The following MAFF variants were observed in gnomAD, a reference collection of about 807,000 sequenced individuals.
MAFF encodes the protein MAF bZIP transcription factor F, also known as transcription factor MafF.
Under a neutral mutation model 2.7 loss-of-function variants are expected in MAFF, and 4 were observed. That is an observed-to-expected ratio of 1.48 (90% CI 0.73 to 3.39). The LOEUF (loss-of-function observed/expected upper bound fraction) is 3.39. Among genes scored for constraint, MAFF ranks in the 30% most tolerant of loss-of-function variants. MAFF has a pLI of 0.01. For synonymous variants in MAFF, 113 were observed against 119.4 expected (o/e 0.95, Z 0.35); for missense variants, 190 against 246.6 (o/e 0.77, Z 1.54).
At chr22:38,207,890 A>AC (rs1291572395) in intron 1 of MAFF, among the ~76,000 whole-genome samples, 5 of 152,102 alleles carry the variant, frequency 3.3e-5, no homozygotes, top group African/African-American at 1.2e-4. Flanking sequence ...TCTGGGCATT[A>AC]CCTCAGGGTT....
chr22:38,213,216 GAGAA>G (rs2091115809), intron 1 of MAFF, among the ~76,000 whole-genome samples: 1 of 142,950 alleles, frequency 7.0e-6, no homozygotes, highest in Admixed American at 7.0e-5. Context: ...GAAAGAAAAA[GAGAA>G]AGAAAAGTTC....
At chr22:38,205,101 C>T (rs1012891841) in intron 1 of MAFF, among the ~76,000 whole-genome samples, 8 of 152,106 alleles carry the variant, frequency 5.3e-5, no homozygotes, top group African/African-American at 7.2e-5. Context: ...AAGCCTTCAC[C>T]GCTTTCCTTT....
In MAFF at chr22:38,214,698, C is replaced by T. The variant is rs746668329; in HGVS notation, c.315C>T (p.Asp105=). The T allele has an allele frequency of 2.6e-6, 4 of 1,541,272 alleles. No individual in the cohort carries two copies. The highest frequency in any genetic ancestry group is 2.4e-5 in the South Asian group (2 of 83,842). ...RENAAMRLEL[D]ALRGKCEALQ... ...ACGCCGCCATGCGCCTGGAGCTCGA[C>T]GCGCTGCGCGGCAAGTGCGAGGCGC... Residue 105 remains aspartate (D), a synonymous_variant, in exon 3 of 3, where the codon GAC becomes GAT. Transcript: ENST00000338483. The surrounding 1 kb of genome is among the most constrained non-coding windows in gnomAD (Gnocchi z 6.3).
At position 38,214,325 on chromosome 22, in the gene MAFF, A is replaced by T; in HGVS notation, c.37-95A>T. 8.3e-7 allele frequency: 1 copy of T among 1,204,440 alleles called. No individual in the cohort carries two copies. Among genetic ancestry groups the T allele is most frequent in the Non-Finnish European group, 1.1e-6 (1 of 884,938 alleles). The allele number at this position is 1,204,440 out of a possible 1,614,324, so 74.6% of individuals were successfully genotyped here. On this transcript the variant is annotated intron_variant, in intron 2 of 2. Transcript: ENST00000338483. The surrounding 1 kb of genome is among the most constrained non-coding windows in gnomAD (Gnocchi z 6.3). ...GGGTTTTGGATCAAGTCCACCCACCACCTCGGCGGCTAAGGCGGTGAAAGA... is the reference window on the plus strand; with the variant it reads ...GGGTTTTGGATCAAGTCCACCCACCTCCTCGGCGGCTAAGGCGGTGAAAGA...
chr22:38,207,314 G>T (rs1477373044), intron 1 of MAFF, among the ~76,000 whole-genome samples: 1 of 151,268 alleles, frequency 6.6e-6, no homozygotes, highest in East Asian at 1.9e-4. Context: ...GTACAGACAG[G>T]GTTTCACTGT....
At chr22:38,204,369 GA>G (rs772621546) in intron 1 of MAFF, among the ~76,000 whole-genome samples, 4 of 152,340 alleles carry the variant, frequency 2.6e-5, no homozygotes, top group Non-Finnish European at 5.9e-5. Flanking sequence ...CTTCCCTGGG[GA>G]GGTGACTAGT....
At position 38,214,648 on chromosome 22, in the gene MAFF, G is replaced by C. The variant is rs1203790330; in HGVS notation, c.265G>C (p.Glu89Gln). 1 of 1,559,222 alleles carries C rather than the reference G, an allele frequency of 6.4e-7. No individual in the cohort carries two copies. The highest frequency in any genetic ancestry group is 1.4e-5 in the African/African-American group (1 of 73,456). ...LQKQKSELER[E>Q]VDKLARENAA... is the part of the protein sequence containing the mutation. ...GAAGCAGAAGTCGGAGCTGGAGCGC[G>C]AGGTGGACAAGCTGGCGCGCGAGAA... Residue 89 changes from glutamate to glutamine, a missense_variant, in exon 3 of 3, where the codon GAG (glutamate) becomes CAG (glutamine). By Grantham distance (29) the Glu-to-Gln change is conservative. This residue lies in a region of MAFF where 87 missense variants were observed against 143.6 expected (regional missense o/e 0.61). Coordinates refer to ENST00000338483, the MANE Select transcript of MAFF (RefSeq NM_012323.4). This position sits in a 1 kb window ranked among gnomAD's most constrained non-coding sequence, Gnocchi z 6.3.
At chr22:38,206,634 G>A (rs1426131413) in intron 1 of MAFF, among the ~76,000 whole-genome samples, 2 of 152,078 alleles carry the variant, frequency 1.3e-5, no homozygotes, top group Non-Finnish European at 2.9e-5. Context: ...TTACAGGCGT[G>A]AGCCACCACG....
intron 1 of MAFF, among the ~76,000 whole-genome samples, chr22:38,208,799 A>G (rs1568998467): frequency 6.6e-6 from 1 of 152,166 alleles, no homozygotes; most frequent in African/African-American, 2.4e-5. Flanking sequence ...CCAGGGCCGA[A>G]GGATGAGTAG....
chr22:38,216,410 A>G lies in MAFF; in HGVS notation c.*1532A>G, dbSNP rs1475339029. 6.0e-6 allele frequency: 1 copy of G among 166,974 alleles called. No homozygotes were observed. The highest frequency in any genetic ancestry group is 1.9e-4 in the East Asian group (1 of 5,200). The allele number at this position is 166,974 out of a possible 1,614,324, so 10.3% of individuals were successfully genotyped here. On this transcript the variant is annotated 3_prime_UTR_variant, in exon 3 of 3. Coordinates refer to ENST00000338483, the MANE Select transcript of MAFF (RefSeq NM_012323.4). The stretch of plus-strand genomic sequence containing the variant: ...TTAAAAAATATTGCCCGGCTCCTAG[A>G]ATTTATTTATTTCCTGACTTACAGC...
In MAFF at chr22:38,214,629, G is replaced by T; in HGVS notation, c.246G>T (p.Gln82His). 6.4e-7 allele frequency: 1 copy of T among 1,569,218 alleles called. No homozygotes were observed. Among genetic ancestry groups the T allele is most frequent in the Non-Finnish European group, 8.6e-7 (1 of 1,157,872 alleles). ...GCCAGAAGGAGGAGCTGCAGAAGCA[G>T]AAGTCGGAGCTGGAGCGCGAGGTGG... is the stretch of plus-strand genomic sequence containing the variant. ...RVCQKEELQKQKSELEREVDK... is the reference protein window; with the variant it reads ...RVCQKEELQKHKSELEREVDK... The change falls in exon 3 of 3, where the codon CAG becomes CAT. Residue 82 changes from glutamine to histidine, a missense_variant. Gln to His is a conservative substitution (Grantham distance 24, BLOSUM62 0). Coordinates refer to ENST00000338483, the MANE Select transcript of MAFF (RefSeq NM_012323.4). The surrounding 1 kb of genome is among the most constrained non-coding windows in gnomAD (Gnocchi z 6.3).
intron 1 of MAFF, among the ~76,000 whole-genome samples, chr22:38,212,707 G>A (rs1480695218): frequency 1.3e-5 from 2 of 152,174 alleles, no homozygotes; most frequent in Non-Finnish European, 2.9e-5. Flanking sequence ...AGGAGGTTGG[G>A]AAAACTTTCC....
chr22:38,211,383 C>T (rs1035257237), intron 1 of MAFF, among the ~76,000 whole-genome samples: 3 of 152,060 alleles, frequency 2.0e-5, no homozygotes, highest in South Asian at 4.1e-4. Context: ...CGTGCCACCA[C>T]GCCCGGCTAA....
chr22:38,214,579 G>T lies in MAFF; in HGVS notation c.196G>T (p.Ala66Ser). Residue 66 changes from alanine to serine, a missense_variant, in exon 3 of 3, where the codon GCC becomes TCC. Coordinates refer to ENST00000338483, the MANE Select transcript of MAFF (RefSeq NM_012323.4). This position sits in a 1 kb window ranked among gnomAD's most constrained non-coding sequence, Gnocchi z 6.3. ...RRTLKNRGYA[A>S]SCRVKRVCQK... is the part of the protein sequence containing the mutation. ...CACACTCAAAAACCGTGGCTACGCC[G>T]CCAGCTGCCGCGTGAAGCGCGTGTG... 1.3e-6 allele frequency: 2 copies of T among 1,595,482 alleles called. No homozygotes were observed. Among genetic ancestry groups the T allele is most frequent in the Non-Finnish European group, 1.7e-6 (2 of 1,172,142 alleles).
At position 38,213,862 on chromosome 22, in the gene MAFF, G is replaced by A. The variant is rs766108175; in HGVS notation, c.9G>A (p.Val3=). The A allele has an allele frequency of 2.5e-6, 4 of 1,614,172 alleles. No homozygotes were observed. The highest frequency in any genetic ancestry group is 3.4e-6 in the Non-Finnish European group (4 of 1,179,998). ...GGGCACCTTCTGCAAACATGTCTGTGGATCCCCTATCCAGCAAAGCTCTAA... is the reference window on the plus strand; with the variant it reads ...GGGCACCTTCTGCAAACATGTCTGTAGATCCCCTATCCAGCAAAGCTCTAA... MS[V]DPLSSKALKI... is the part of the protein sequence containing the mutation. The change falls in exon 2 of 3, where the codon GTG becomes GTA. Residue 3 remains valine, a synonymous_variant. Coordinates refer to ENST00000338483, the MANE Select transcript of MAFF (RefSeq NM_012323.4).
chr22:38,212,909 TC>T (rs2091111806), intron 1 of MAFF, among the ~76,000 whole-genome samples: 1 of 152,076 alleles, frequency 6.6e-6, no homozygotes, highest in African/African-American at 2.4e-5. Context: ...CTCACACCTG[TC>T]CAGCACTTTG....
In MAFF at chr22:38,214,816, G is replaced by C; in HGVS notation, c.433G>C (p.Gly145Arg). Residue 145 changes from glycine to arginine, a missense_variant, in exon 3 of 3, where the codon GGC becomes CGC. This residue lies in a region of MAFF where 103 missense variants were observed against 103.0 expected (regional missense o/e 1.00). Transcript: ENST00000338483. The surrounding 1 kb of genome is among the most constrained non-coding windows in gnomAD (Gnocchi z 6.3). ...CATCACCATCGTCAAGTCCACCCCG[G>C]GCTCGGGGTCTGGCCCCGCCCACGG... is the stretch of plus-strand genomic sequence containing the variant. ...SVITIVKSTPGSGSGPAHGPD... is the reference protein window; with the variant it reads ...SVITIVKSTPRSGSGPAHGPD... 6.7e-7 allele frequency: 1 copy of C among 1,491,554 alleles called. No homozygotes were observed. Among genetic ancestry groups the C allele is most frequent in the Admixed American group, 2.3e-5 (1 of 43,232 alleles). 92.4% of individuals were successfully genotyped at this position (1,491,554 alleles called of 1,614,324 possible).
rs2091143938 is a variant in MAFF, at chr22:38,215,742, G to A, written c.*864G>A. 1 of 167,442 alleles carries A rather than the reference G, an allele frequency of 6.0e-6. No individual in the cohort carries two copies. Among genetic ancestry groups the A allele is most frequent in the African/African-American group, 2.4e-5 (1 of 41,458 alleles). 10.4% of individuals were successfully genotyped at this position (167,442 alleles called of 1,614,324 possible). ...CTGCTGTGGCAAATAGGGAGACAAGGAGACAGACCCTGCAGTCCTACTACA... is the reference window on the plus strand; with the variant it reads ...CTGCTGTGGCAAATAGGGAGACAAGAAGACAGACCCTGCAGTCCTACTACA... On this transcript the variant is annotated 3_prime_UTR_variant, in exon 3 of 3. Transcript: ENST00000338483.
intron 1 of MAFF, among the ~76,000 whole-genome samples, chr22:38,206,044 A>G (rs563505269): frequency 6.6e-6 from 1 of 152,258 alleles, no homozygotes; most frequent in South Asian, 2.1e-4. Context: ...GAGTGGGGGA[A>G]GAGCAGGTTC....
Sources: allele counts gnomAD v4.1 joint callset (sites outside exome capture counted in the v4.1 genomes callset), GRCh38; gene constraint gnomAD v4.1.1; regional missense constraint gnomAD v4.1.1; non-coding constraint Gnocchi (gnomAD v3.1); transcripts MANE v1.5; gene names NCBI Gene and HGNC (gene_info 2026-07-23, HGNC 2026-07-21).